The following OSBP2 variants were observed in gnomAD, a reference collection of about 807,000 sequenced individuals.
OSBP2 encodes the protein oxysterol binding protein 2.
In OSBP2, 66 loss-of-function variants were observed where a neutral mutation model predicts 96.0. The ratio of observed to expected loss-of-function variants is 0.69; its 90% CI spans 0.56 to 0.84. The LOEUF (loss-of-function observed/expected upper bound fraction) is 0.84, where lower values mean the gene tolerates loss of function less well. Among genes scored for constraint, OSBP2 ranks in the 40% least tolerant of loss-of-function variants. The pLI is 0.00. For synonymous variants in OSBP2, 525 were observed against 520.9 expected, an observed-to-expected ratio of 1.01 and a Z score of -0.11; for missense variants, 1,038 against 1,222.7, an observed-to-expected ratio of 0.85 and a Z score of 2.25.
At chr22:30,758,177 C>T (rs538044362) in intron 2 of OSBP2, among the ~76,000 whole-genome samples, 4 of 152,062 alleles carry the variant, frequency 2.6e-5, no homozygotes, top group African/African-American at 4.8e-5. Flanking sequence ...TGAGGCAGGC[C>T]GATCACTTGA....
intron 2 of OSBP2, among the ~76,000 whole-genome samples, chr22:30,832,776 T>G (rs2038554213): frequency 6.6e-6 from 1 of 152,094 alleles, no homozygotes; most frequent in Non-Finnish European, 1.5e-5. Flanking sequence ...ATGGACTAGA[T>G]GGATTTCCAC....
At chr22:30,806,231 A>G (rs1003028553) in intron 2 of OSBP2, among the ~76,000 whole-genome samples, 1 of 152,172 alleles carries the variant, frequency 6.6e-6, no homozygotes, top group Non-Finnish European at 1.5e-5. Flanking sequence ...CTCACAGATG[A>G]GCTGATGACA....
chr22:30,764,568 G>A (rs1020696585), intron 2 of OSBP2, among the ~76,000 whole-genome samples: 15 of 152,144 alleles, frequency 9.9e-5, no homozygotes, highest in African/African-American at 3.1e-4. Context: ...CTCTCTTCCC[G>A]TTTGAAGGAA....
At chr22:30,856,226 T>C (rs1335894464) in intron 2 of OSBP2, among the ~76,000 whole-genome samples, 1 of 152,144 alleles carries the variant, frequency 6.6e-6, no homozygotes, top group Non-Finnish European at 1.5e-5. Context: ...CCTCCATCTC[T>C]CCATTTCTGC....
chr22:30,867,833 G>A (rs985839433), intron 2 of OSBP2, among the ~76,000 whole-genome samples: 1 of 152,230 alleles, frequency 6.6e-6, no homozygotes, highest in Non-Finnish European at 1.5e-5. Flanking sequence ...TGCTTACAGA[G>A]CAGGGGTCAC....
rs925136135 is a variant in OSBP2 at position 30,893,252 on chromosome 22, G to C, written c.1990+10G>C. 6.2e-7 allele frequency: 1 copy of C among 1,613,884 alleles called. No homozygotes were observed. The highest frequency in any genetic ancestry group is 1.3e-5 in the African/African-American group (1 of 74,898). On this transcript the variant is annotated intron_variant, in intron 9 of 13. Coordinates refer to ENST00000332585, the MANE Select transcript of OSBP2 (RefSeq NM_030758.4). ...TCCATCATGCCGCTAGGTGAGCTGGGGCCCGGTGCCTTCCTGGGACACAGA... is the reference window on the plus strand; with the variant it reads ...TCCATCATGCCGCTAGGTGAGCTGGCGCCCGGTGCCTTCCTGGGACACAGA...
At chr22:30,799,980 C>T (rs996291101) in intron 2 of OSBP2, among the ~76,000 whole-genome samples, 1 of 152,288 alleles carries the variant, frequency 6.6e-6, no homozygotes, top group African/African-American at 2.4e-5. Context: ...AGCCTCTTTC[C>T]GTCATGCCTA....
At chr22:30,860,725 T>C (rs1188633278) in intron 2 of OSBP2, among the ~76,000 whole-genome samples, 1 of 152,204 alleles carries the variant, frequency 6.6e-6, no homozygotes, top group Non-Finnish European at 1.5e-5. Context: ...CCTCATTCCT[T>C]CGAGGCAACC....
intron 1 of OSBP2, among the ~76,000 whole-genome samples, chr22:30,705,456 G>A (rs1482664540): frequency 6.6e-6 from 1 of 152,034 alleles, no homozygotes; most frequent in African/African-American, 2.4e-5. Context: ...ACCATGCCCG[G>A]CTAATTTTGT....
In OSBP2 at chr22:30,870,241, A is replaced by C. The variant is rs2039429673; in HGVS notation, c.854-188A>C. Reference sequence around the variant, plus strand: ...ACTCAGGTGGGCCCTTGCCCACCCCACCCTGGGAAGGCTGGGCCAGGATGG... The same window carrying C: ...ACTCAGGTGGGCCCTTGCCCACCCCCCCCTGGGAAGGCTGGGCCAGGATGG... On this transcript the variant is annotated intron_variant, in intron 2 of 13. Coordinates refer to ENST00000332585, the MANE Select transcript of OSBP2 (RefSeq NM_030758.4). This position sits in a 1 kb window ranked among gnomAD's most constrained non-coding sequence, Gnocchi z 4.1. Among the ~76,000 whole-genome samples the C allele has an allele frequency of 6.6e-6, 1 of 151,642 alleles. No individual in the cohort carries two copies. Among genetic ancestry groups the C allele is most frequent in the Admixed American group, 6.6e-5 (1 of 15,264 alleles).
intron 2 of OSBP2, among the ~76,000 whole-genome samples, chr22:30,845,818 T>C (rs1602348732): frequency 6.8e-6 from 1 of 147,970 alleles, no homozygotes; most frequent in South Asian, 2.1e-4. Context: ...GAGGTGGAGG[T>C]TGCAGTGAGC....
rs5997796 is a variant in OSBP2, at chr22:30,870,553, C to T, written c.978C>T (p.His326=). The part of the protein sequence containing the change: ...LSTCNDLIAK[H]GAALQRSLTE... ...CGTGCAATGACCTCATCGCCAAGCA[C>T]GGCGCTGCACTCCAGCGCTCCCTGA... Residue 326 remains histidine, a synonymous_variant, in exon 3 of 14, where the codon CAC becomes CAT. Transcript: ENST00000332585. The surrounding 1 kb of genome is among the most constrained non-coding windows in gnomAD (Gnocchi z 4.1). 160 of 1,614,102 alleles carry T rather than the reference C, an allele frequency of 9.9e-5. 1 individual carries two copies. The African/African-American group carries it at 1.3e-3, about 13-fold the overall frequency.
intron 2 of OSBP2, among the ~76,000 whole-genome samples, chr22:30,750,165 C>A (rs919291874): frequency 1.3e-4 from 20 of 152,138 alleles, no homozygotes; most frequent in Non-Finnish European, 2.9e-5. Context: ...GAACAGTGGG[C>A]CCAGGGGCAG....
chr22:30,784,106 A>C (rs2090555386), intron 2 of OSBP2, among the ~76,000 whole-genome samples: 1 of 152,204 alleles, frequency 6.6e-6, no homozygotes, highest in Non-Finnish European at 1.5e-5. Flanking sequence ...TACTGCAGAT[A>C]CAAATCCTAG....
At chr22:30,847,484 G>T (rs1380765989) in intron 2 of OSBP2, among the ~76,000 whole-genome samples, 2 of 152,016 alleles carry the variant, frequency 1.3e-5, no homozygotes, top group Non-Finnish European at 2.9e-5. Flanking sequence ...ATTTCACCAT[G>T]TCGGCCAGGC....
At chr22:30,739,840 G>GT (rs1437004950) in intron 1 of OSBP2, among the ~76,000 whole-genome samples, 1 of 146,424 alleles carries the variant, frequency 6.8e-6, no homozygotes, top group Non-Finnish European at 1.5e-5. Context: ...GTTTTGTTTT[G>GT]TTTGTTTGTT....
chr22:30,820,933 C>T (rs903382015), intron 2 of OSBP2, among the ~76,000 whole-genome samples: 8 of 152,196 alleles, frequency 5.3e-5, no homozygotes, highest in African/African-American at 1.9e-4. Flanking sequence ...ACCACCTTCC[C>T]TGGGTCTATT....
At chr22:30,834,797 T>C (rs1602332813) in intron 2 of OSBP2, among the ~76,000 whole-genome samples, 1 of 134,590 alleles carries the variant, frequency 7.4e-6, no homozygotes, top group Middle Eastern at 3.8e-3. Context: ...ATGGATTGTC[T>C]TTTCTTTTCT....
chr22:30,782,811 T>C (rs1182049005), intron 2 of OSBP2, among the ~76,000 whole-genome samples: 2 of 152,262 alleles, frequency 1.3e-5, no homozygotes, highest in South Asian at 2.1e-4. Flanking sequence ...AGGGTACATA[T>C]ATGTTTAACT....
Sources: allele counts gnomAD v4.1 joint callset (sites outside exome capture counted in the v4.1 genomes callset), GRCh38; gene constraint gnomAD v4.1.1; non-coding constraint Gnocchi (gnomAD v3.1); transcripts MANE v1.5; gene names NCBI Gene and HGNC (gene_info 2026-07-23, HGNC 2026-07-21).